The following PPP4R1 variants were observed in gnomAD, a reference collection of about 807,000 sequenced individuals.
PPP4R1 encodes the protein protein phosphatase 4 regulatory subunit 1.
Under a neutral mutation model 111.2 loss-of-function variants are expected in PPP4R1, and 42 were observed. That is an observed-to-expected ratio of 0.38 (90% CI 0.29 to 0.49). The LOEUF (loss-of-function observed/expected upper bound fraction) is 0.49, where lower values mean the gene tolerates loss of function less well. Among genes scored for constraint, PPP4R1 ranks in the 20% least tolerant of loss-of-function variants. PPP4R1 has a pLI of 0.97. For missense variants in PPP4R1, 1,012 were observed against 1,161.6 expected (o/e 0.87, Z 1.87); for synonymous variants, 409 against 405.5 (o/e 1.01, Z -0.10).
intron 10 of PPP4R1, among the ~76,000 whole-genome samples, chr18:9,571,233 T>C (rs777562917): frequency 1.2e-4 from 18 of 152,160 alleles, no homozygotes; most frequent in Non-Finnish European, 2.5e-4. Flanking sequence ...TCTGCTTGAG[T>C]GTAAATATTA....
At chr18:9,563,097 T>C in intron 12 of PPP4R1, 1 of 1,106,588 alleles carries the variant, frequency 9.0e-7, no homozygotes, top group Non-Finnish European at 1.1e-6. Flanking sequence ...GGGCTTTGTT[T>C]CCAGTAAGAC....
chr18:9,572,994 G>C (rs1298383159), intron 10 of PPP4R1, among the ~76,000 whole-genome samples: 3 of 152,128 alleles, frequency 2.0e-5, no homozygotes, highest in African/African-American at 7.2e-5. Context: ...GGACTTCTAG[G>C]ATTCCTCACT....
At chr18:9,560,840 T>A (rs1242067109) in intron 13 of PPP4R1, among the ~76,000 whole-genome samples, 1 of 151,540 alleles carries the variant, frequency 6.6e-6, no homozygotes, top group East Asian at 1.9e-4. Flanking sequence ...CCAGCCTGGG[T>A]GACAGAGCGG....
At chr18:9,602,405 G>A (rs2145308942) in intron 2 of PPP4R1, among the ~76,000 whole-genome samples, 1 of 149,142 alleles carries the variant, frequency 6.7e-6, no homozygotes, top group South Asian at 2.1e-4. Context: ...AATTAGCCGG[G>A]CGTGGTGGCG....
At chr18:9,564,735 TGTGGGG>T (rs111239769) in intron 11 of PPP4R1, among the ~76,000 whole-genome samples, 4,780 of 40,122 alleles carry the variant, frequency 0.12, 115 homozygotes, top group African/African-American at 0.21. Flanking sequence ...TGTGTGTGTG[TGTGGGG>T]GTATCATCCC....
intron 2 of PPP4R1, among the ~76,000 whole-genome samples, chr18:9,612,266 A>G (rs142638312): frequency 5.5e-4 from 84 of 152,326 alleles, no homozygotes; most frequent in African/African-American, 1.9e-3. Flanking sequence ...CTTACAAATG[A>G]CAAAACTGAG....
intron 3 of PPP4R1, 24 bp from the exon 4 acceptor site, chr18:9,593,898 G>A (rs371465084): frequency 6.4e-7 from 1 of 1,572,488 alleles, no homozygotes. Flanking sequence ...ACAAAATTAT[G>A]TATGTTCAAT....
chr18:9,568,018 T>C (rs1352288770), intron 11 of PPP4R1, among the ~76,000 whole-genome samples: 2 of 152,190 alleles, frequency 1.3e-5, no homozygotes, highest in East Asian at 1.9e-4. Context: ...TACTACAGTA[T>C]AGTATAAACA....
chr18:9,563,314 CCCCAATGAAA>C, intron 12 of PPP4R1, 54 bp downstream of exon 12: 1 of 1,461,940 alleles, frequency 6.8e-7, no homozygotes, highest in Non-Finnish European at 9.2e-7. Flanking sequence ...TACAACTATT[CCCCAATGAAA>C]GACTTCTGAT....
At chr18:9,580,597 G>A (rs569438509) in intron 9 of PPP4R1, among the ~76,000 whole-genome samples, 11 of 152,208 alleles carry the variant, frequency 7.2e-5, no homozygotes, top group East Asian at 3.9e-4. Flanking sequence ...TGATCCACCC[G>A]TCTCGGCCTC....
chr18:9,561,550 T>C (rs1450093104), intron 13 of PPP4R1, among the ~76,000 whole-genome samples: 1 of 152,210 alleles, frequency 6.6e-6, no homozygotes, highest in Non-Finnish European at 1.5e-5. Flanking sequence ...CTGCAGCTTG[T>C]TACTGATGGC....
chr18:9,571,989 A>G (rs548342821), intron 10 of PPP4R1, among the ~76,000 whole-genome samples: 1 of 152,358 alleles, frequency 6.6e-6, no homozygotes, highest in East Asian at 1.9e-4. Context: ...GTAAGAAGTG[A>G]TGATGTTCTG....
chr18:9,560,458 G>A (rs188434129), intron 13 of PPP4R1, among the ~76,000 whole-genome samples: 2 of 152,048 alleles, frequency 1.3e-5, no homozygotes, highest in Admixed American at 1.3e-4. Flanking sequence ...AGGTAAAACT[G>A]GTTGTATCTC....
chr18:9,596,823 C>T (rs2067297812), intron 2 of PPP4R1, among the ~76,000 whole-genome samples: 1 of 152,118 alleles, frequency 6.6e-6, no homozygotes. Flanking sequence ...CCCAACAGAA[C>T]ATTATCAAAA....
chr18:9,561,732 G>A (rs982113483), intron 13 of PPP4R1, among the ~76,000 whole-genome samples: 3 of 152,154 alleles, frequency 2.0e-5, no homozygotes, highest in African/African-American at 7.2e-5. Flanking sequence ...GAAAATACAT[G>A]AAGGAAGATA....
chr18:9,563,615 T>TC (rs2145064319), intron 11 of PPP4R1, 65 bp from the exon 12 acceptor site: 4 of 1,406,850 alleles, frequency 2.8e-6, no homozygotes, highest in South Asian at 2.6e-5. Flanking sequence ...ACAAGGCTGT[T>TC]CTCCATTTGC....
chr18:9,582,024 C>A (rs990268626), intron 9 of PPP4R1, among the ~76,000 whole-genome samples: 1 of 151,982 alleles, frequency 6.6e-6, no homozygotes, highest in Non-Finnish European at 1.5e-5. Context: ...CGCAGAACCA[C>A]ATTAACAAGA....
chr18:9,547,816 G>A lies in PPP4R1; in HGVS notation c.2826C>T (p.Ala942=). The A allele has an allele frequency of 8.1e-6, 13 of 1,613,310 alleles. No individual in the cohort carries two copies. Among genetic ancestry groups the A allele is most frequent in the Non-Finnish European group, 1.1e-5 (13 of 1,180,018 alleles). Reference sequence around the variant, plus strand: ...AGTAGGTTGAGGACGCTGTGCTCATGGCATCTTCGGAGATTTTGGTACTGG... The same window carrying A: ...AGTAGGTTGAGGACGCTGTGCTCATAGCATCTTCGGAGATTTTGGTACTGG... ...HPASTKISED[A]MSTASSTY is the part of the protein sequence containing the mutation. Residue 942 remains alanine, a synonymous_variant, in exon 20 of 20, where the codon GCC becomes GCT. Transcript: ENST00000400556.
intron 4 of PPP4R1, among the ~76,000 whole-genome samples, chr18:9,591,267 A>G (rs985991186): frequency 2.0e-5 from 3 of 151,928 alleles, no homozygotes; most frequent in African/African-American, 7.3e-5. Context: ...GAATCACTTG[A>G]ACCCAGGAGA....
Sources: gnomAD v4.1 joint callset for allele counts (sites outside exome capture counted in the v4.1 genomes callset) on GRCh38, gnomAD v4.1.1 for gene constraint, MANE v1.5 for transcripts, NCBI Gene and HGNC (gene_info 2026-07-23, HGNC 2026-07-21) for gene names.